ECHDC1: variants seen among roughly 807,000 people sequenced by gnomAD.
The protein encoded by ECHDC1 is ethylmalonyl-CoA decarboxylase.
Under a neutral mutation model 29.7 loss-of-function variants are expected in ECHDC1, and 29 were observed. That is an observed-to-expected ratio of 0.98 (90% CI 0.73 to 1.33). The LOEUF is 1.33. Among genes scored for constraint, ECHDC1 ranks in the 40% most tolerant of loss-of-function variants. ECHDC1 has a pLI of 0.00. For missense variants in ECHDC1, 328 were observed against 350.0 expected (o/e 0.94, Z 0.50); for synonymous variants, 126 against 123.1 (o/e 1.02, Z -0.15).
At chr6:127,316,394 C>A in intron 4 of ECHDC1, 56 bp downstream of exon 4, 1 of 1,440,242 alleles carries the variant, frequency 6.9e-7, no homozygotes, top group Non-Finnish European at 9.6e-7. Flanking sequence ...AATGGAATAG[C>A]AAAAAGCTAT....
At chr6:127,294,325 T>C (rs1401572332) in intron 5 of ECHDC1, among the ~76,000 whole-genome samples, 1 of 152,224 alleles carries the variant, frequency 6.6e-6, no homozygotes, top group East Asian at 1.9e-4. Flanking sequence ...TAGAAAATTA[T>C]AGAATTCGCA....
intron 3 of ECHDC1, among the ~76,000 whole-genome samples, chr6:127,323,373 C>A (rs1278272840): frequency 6.6e-6 from 1 of 152,048 alleles, no homozygotes; most frequent in Non-Finnish European, 1.5e-5. Flanking sequence ...CGTTCAGATA[C>A]ATCACAAATT....
At position 127,343,333 on chromosome 6, in the gene ECHDC1, T is replaced by A. The variant is rs2114729941; in HGVS notation, c.-3+3A>T. ...GCTAAGACCAACCCTTACGACCACTTACCGTCGCAGGCCACGGTGGTGACT... is the reference window on the plus strand; with the variant it reads ...GCTAAGACCAACCCTTACGACCACTAACCGTCGCAGGCCACGGTGGTGACT... On this transcript the variant is annotated splice_donor_region_variant and intron_variant, in intron 1 of 5. Coordinates refer to ENST00000454859, the MANE Select transcript of ECHDC1 (RefSeq NM_001002030.2). 1 of 152,656 alleles carries A rather than the reference T, an allele frequency of 6.6e-6. No individual in the cohort carries two copies. Among genetic ancestry groups the A allele is most frequent in the East Asian group, 1.9e-4 (1 of 5,168 alleles). The allele number at this position is 152,656 out of a possible 1,614,324, so 9.5% of individuals were successfully genotyped here. A position where few individuals can be genotyped will look rare whatever the true frequency, so the allele number is the denominator to read the frequency against.
intron 5 of ECHDC1, among the ~76,000 whole-genome samples, chr6:127,311,154 T>G (rs1422486912): frequency 6.6e-6 from 1 of 152,168 alleles, no homozygotes; most frequent in Non-Finnish European, 1.5e-5. Context: ...ACCTGTGATA[T>G]CTATGAATTA....
At chr6:127,315,353 T>C (rs1343631151) in intron 4 of ECHDC1, 3 of 328,174 alleles carry the variant, frequency 9.1e-6, no homozygotes, top group East Asian at 1.5e-4. Flanking sequence ...TTACAGAAGA[T>C]AGGGCTCCAA....
chr6:127,326,888 A>G, intron 3 of ECHDC1, 114 bp downstream of exon 3: 2 of 1,266,748 alleles, frequency 1.6e-6, no homozygotes, highest in Non-Finnish European at 2.1e-6. Context: ...AAAAATCCCC[A>G]TAATCCTTTG....
chr6:127,311,044 A>G (rs558975689), intron 5 of ECHDC1, among the ~76,000 whole-genome samples: 1 of 152,336 alleles, frequency 6.6e-6, no homozygotes, highest in South Asian at 2.1e-4. Flanking sequence ...ACTATAGTAC[A>G]GTGTACACAT....
At chr6:127,334,613 C>T (rs1258074107) in intron 1 of ECHDC1, among the ~76,000 whole-genome samples, 1 of 152,056 alleles carries the variant, frequency 6.6e-6, no homozygotes, top group Non-Finnish European at 1.5e-5. Flanking sequence ...TCCTGAATCT[C>T]TTCTCGTCTG....
intron 3 of ECHDC1, among the ~76,000 whole-genome samples, chr6:127,323,558 C>T (rs1783030649): frequency 6.6e-6 from 1 of 152,050 alleles, no homozygotes; most frequent in African/African-American, 2.4e-5. Context: ...CCACTATACT[C>T]CTCATTTATA....
intron 5 of ECHDC1, among the ~76,000 whole-genome samples, chr6:127,292,448 T>C (rs568258076): frequency 2.6e-5 from 4 of 152,040 alleles, no homozygotes; most frequent in Non-Finnish European, 4.4e-5. Flanking sequence ...AAAATACCTT[T>C]TGTGATCAAA....
intron 5 of ECHDC1, among the ~76,000 whole-genome samples, chr6:127,311,589 GC>G (rs764717204): frequency 4.1e-5 from 6 of 144,640 alleles, no homozygotes; most frequent in Non-Finnish European, 9.0e-5. Context: ...CAGGAGAATT[GC>G]TTGAACCTGG....
rs1188306017 is a variant in ECHDC1 at position 127,289,645 on chromosome 6, AGT to A, written c.*222_*223del. 2.2e-6 allele frequency: 1 copy of A among 455,080 alleles called. No homozygotes were observed. Among genetic ancestry groups the A allele is most frequent in the African/African-American group, 2.0e-5 (1 of 50,284 alleles). The allele number at this position is 455,080 out of a possible 1,614,324, so 28.2% of individuals were successfully genotyped here. On this transcript the variant is annotated 3_prime_UTR_variant, in exon 6 of 6. Coordinates refer to ENST00000454859, the MANE Select transcript of ECHDC1 (RefSeq NM_001002030.2). ...TGACAGCAATAATTTTTAAGCCAAAAGTGTATATTTTAGCTAAATGTTCCAGA... is the reference window on the plus strand; with the variant it reads ...TGACAGCAATAATTTTTAAGCCAAAAGTATATTTTAGCTAAATGTTCCAGA...
intron 1 of ECHDC1, among the ~76,000 whole-genome samples, chr6:127,337,076 T>TA (rs201578798): frequency 0.055 from 8,415 of 152,244 alleles, 281 homozygotes; most frequent in South Asian, 0.098. Context: ...TATTTAACCC[T>TA]GTATATTGTG....
Position 127,342,259 on chromosome 6 carries a change from G to A in ECHDC1, c.-3+1077C>T, listed in dbSNP as rs998312. The A allele has an allele frequency of 7.9e-3, 10,213 of 1,294,900 alleles. 148 individuals are homozygous for A. Among genetic ancestry groups the A allele is most frequent in the South Asian group, 0.046 (2,776 of 60,260 alleles). 80.2% of individuals were successfully genotyped at this position (1,294,900 alleles called of 1,614,324 possible). A position where few individuals can be genotyped will look rare whatever the true frequency, so the allele number is the denominator to read the frequency against. ...TCTTAGCTGCAAGAGGGCATTTGCAGTGCCTAAAGATAATATTCTTAAGAC... is the reference window on the plus strand; with the variant it reads ...TCTTAGCTGCAAGAGGGCATTTGCAATGCCTAAAGATAATATTCTTAAGAC... On this transcript the variant is annotated intron_variant, in intron 1 of 5. Coordinates refer to ENST00000454859, the MANE Select transcript of ECHDC1 (RefSeq NM_001002030.2).
chr6:127,340,351 T>C (rs1032526477), intron 1 of ECHDC1, among the ~76,000 whole-genome samples: 4 of 152,208 alleles, frequency 2.6e-5, no homozygotes, highest in Non-Finnish European at 5.9e-5. Flanking sequence ...TTACTGAGGA[T>C]GAAGGGAACT....
intron 3 of ECHDC1, 102 bp from the exon 4 acceptor site, chr6:127,316,604 C>CT: frequency 1.2e-6 from 1 of 864,154 alleles, no homozygotes; most frequent in Admixed American, 2.7e-5. Flanking sequence ...AAAAATATGT[C>CT]TTTTTTAAAC....
intron 1 of ECHDC1, chr6:127,341,493 A>G (rs1784940387): frequency 6.6e-6 from 1 of 152,226 alleles, no homozygotes; most frequent in Non-Finnish European, 1.5e-5. Flanking sequence ...CCAGAATCAC[A>G]GGAAGATGAA....
At chr6:127,341,475 G>A (rs542720951) in intron 1 of ECHDC1, 2 of 152,104 alleles carry the variant, frequency 1.3e-5, no homozygotes, top group Admixed American at 6.6e-5. Context: ...GTTTTTTTTG[G>A]ATTTCTTCCA....
intron 1 of ECHDC1, among the ~76,000 whole-genome samples, chr6:127,341,968 C>A (rs1175364241): frequency 6.6e-6 from 1 of 152,224 alleles, no homozygotes; most frequent in African/African-American, 2.4e-5. Flanking sequence ...TCATTACATG[C>A]CACCCACAAC....
Sources: allele counts gnomAD v4.1 joint callset (sites outside exome capture counted in the v4.1 genomes callset), GRCh38; gene constraint gnomAD v4.1.1; transcripts MANE v1.5; gene names NCBI Gene and HGNC (gene_info 2026-07-23, HGNC 2026-07-21).